CNTN4: variants seen among roughly 807,000 people sequenced by gnomAD.
CNTN4 encodes contactin-4.
A neutral mutation model predicts 122.5 loss-of-function variants in CNTN4; 77 were observed. The ratio of observed to expected loss-of-function variants is 0.63; its 90% confidence interval spans 0.52 to 0.76. CNTN4 has a LOEUF of 0.76. CNTN4 is among the 30% of genes least tolerant of loss of function. The probability of loss-of-function intolerance (pLI) is 0.00; values close to 1 mark genes in which losing one functional copy is unlikely to be tolerated. For missense variants in CNTN4, 1,256 were observed against 1,259.1 expected (o/e 1.00, Z 0.04); for synonymous variants, 512 against 447.0 (o/e 1.15, Z -1.83).
At chr3:2,321,269 T>A (rs1426520035) in intron 2 of CNTN4, among the ~76,000 whole-genome samples, 44 of 152,138 alleles carry the variant, frequency 2.9e-4, no homozygotes, top group Admixed American at 2.9e-3. Flanking sequence ...AAACTTCAAC[T>A]CAGGAGTCAC....
At chr3:2,195,712 G>A (rs2037804326) in intron 2 of CNTN4, among the ~76,000 whole-genome samples, 2 of 152,160 alleles carry the variant, frequency 1.3e-5, no homozygotes, top group South Asian at 4.1e-4. Flanking sequence ...GTCACTCTGG[G>A]AATCACATGG....
intron 2 of CNTN4, among the ~76,000 whole-genome samples, chr3:2,336,585 C>A (rs1442965599): frequency 6.6e-6 from 1 of 152,060 alleles, no homozygotes; most frequent in East Asian, 1.9e-4. Context: ...TAACTAGTAA[C>A]CATTTAGTTG....
rs116042169 is a variant in CNTN4 at position 2,386,897 on chromosome 3, C to T, written c.-89+47664C>T. ...GAGATAAGATGTAGCTGCAACTAAG[C>T]GCATTCAATTTAGAGATTATAGAAA... is the stretch of plus-strand genomic sequence containing the variant. On this transcript the variant is annotated intron_variant, in intron 3 of 24. Coordinates refer to ENST00000418658, the MANE Select transcript of CNTN4 (RefSeq NM_175607.3). 5.2e-3 allele frequency among the ~76,000 whole-genome samples: 794 copies of T among 152,210 alleles called. 6 individuals carry two copies. The highest frequency in any genetic ancestry group is 0.017 in the African/African-American group (721 of 41,538).
chr3:2,325,406 T>C (rs79417017), intron 2 of CNTN4, among the ~76,000 whole-genome samples: 4,779 of 152,346 alleles, frequency 0.031, 113 homozygotes, highest in Non-Finnish European at 0.047. Context: ...ATTTCTAATG[T>C]AGTAAATATC....
chr3:2,498,938 C>G (rs2076523565), intron 3 of CNTN4, among the ~76,000 whole-genome samples: 1 of 151,896 alleles, frequency 6.6e-6, no homozygotes, highest in Non-Finnish European at 1.5e-5. Context: ...TACAGGCGTG[C>G]ACCACCACAC....
intron 3 of CNTN4, among the ~76,000 whole-genome samples, chr3:2,424,128 C>T (rs931534582): frequency 1.3e-5 from 2 of 150,240 alleles, no homozygotes. Context: ...AGGGTTGTTA[C>T]ATACGTATAC....
intron 5 of CNTN4, among the ~76,000 whole-genome samples, chr3:2,741,013 C>G (rs1004995363): frequency 1.3e-5 from 2 of 152,158 alleles, no homozygotes; most frequent in African/African-American, 4.8e-5. Flanking sequence ...GAATTTTCAT[C>G]CAAGATTCAG....
At position 2,200,827 on chromosome 3, in the gene CNTN4, C is replaced by T. The variant is rs73807026; in HGVS notation, c.-145+100188C>T. ...TGAATGTGATACTTTGGGCCATAGC[C>T]CCCTTATGCTTCAGTAGAGAAGCAG... is the stretch of plus-strand genomic sequence containing the variant. On this transcript the variant is annotated intron_variant, in intron 2 of 24. Coordinates refer to ENST00000418658, the MANE Select transcript of CNTN4 (RefSeq NM_175607.3). Among the ~76,000 whole-genome samples, 1,263 of 152,206 alleles carry T rather than the reference C, an allele frequency of 8.3e-3. 15 individuals are homozygous for T. The highest frequency in any genetic ancestry group is 0.029 in the African/African-American group (1,196 of 41,546).
chr3:2,654,229 T>C (rs2083482454), intron 4 of CNTN4, among the ~76,000 whole-genome samples: 1 of 152,260 alleles, frequency 6.6e-6, no homozygotes, highest in Non-Finnish European at 1.5e-5. Flanking sequence ...TTGACCACCT[T>C]GGCAATGGCC....
At chr3:2,210,928 A>C (rs1294854538) in intron 2 of CNTN4, among the ~76,000 whole-genome samples, 1 of 152,238 alleles carries the variant, frequency 6.6e-6, no homozygotes, top group Non-Finnish European at 1.5e-5. Flanking sequence ...TTTAGCCCAT[A>C]AAACAATTTT....
At chr3:2,466,555 C>T (rs1414067261) in intron 3 of CNTN4, among the ~76,000 whole-genome samples, 2 of 152,032 alleles carry the variant, frequency 1.3e-5, no homozygotes, top group East Asian at 1.9e-4. Flanking sequence ...ATTCTTTCAG[C>T]GTGTGATTGT....
chr3:2,545,196 A>G (rs1460367433), intron 3 of CNTN4, among the ~76,000 whole-genome samples: 1 of 151,988 alleles, frequency 6.6e-6, no homozygotes, highest in Non-Finnish European at 1.5e-5. Flanking sequence ...AGATTTTCTT[A>G]GGATTGATTT....
chr3:2,797,379 A>G (rs1035987415), intron 6 of CNTN4, among the ~76,000 whole-genome samples: 5 of 152,156 alleles, frequency 3.3e-5, no homozygotes, highest in Non-Finnish European at 1.5e-5. Context: ...CAGGTGGATT[A>G]CCTAGGTCAG....
In CNTN4 at chr3:2,101,231, G is replaced by A. The variant is rs76463679; in HGVS notation, c.-145+592G>A. On this transcript the variant is annotated intron_variant, in intron 2 of 24. Coordinates refer to ENST00000418658, the MANE Select transcript of CNTN4 (RefSeq NM_175607.3). ...AAGTAGGTCTTCTGATTTCTTTTCC[G>A]ATCTAAGCACTAAATCTTTTGGCTG... 5.3e-5 allele frequency among the ~76,000 whole-genome samples: 8 copies of A among 151,928 alleles called. No individual in the cohort carries two copies. The East Asian group carries it at 1.4e-3, about 26-fold the overall frequency.
At chr3:3,032,801 T>C (rs1699285766) in intron 16 of CNTN4, among the ~76,000 whole-genome samples, 1 of 152,182 alleles carries the variant, frequency 6.6e-6, no homozygotes, top group Non-Finnish European at 1.5e-5. Flanking sequence ...TGCCCCTGAG[T>C]GTGTTATCAT....
At chr3:2,658,961 AACAGAC>A (rs761485466) in intron 4 of CNTN4, among the ~76,000 whole-genome samples, 4 of 59,130 alleles carry the variant, frequency 6.8e-5, no homozygotes, top group East Asian at 4.4e-4. Context: ...CACACACACA[AACAGAC>A]ACACACACAC....
At chr3:2,545,791 C>A (rs769803588) in intron 3 of CNTN4, among the ~76,000 whole-genome samples, 1 of 151,950 alleles carries the variant, frequency 6.6e-6, no homozygotes, top group South Asian at 2.1e-4. Context: ...CTCTTGAAGA[C>A]AGCATATCAT....
intron 10 of CNTN4, among the ~76,000 whole-genome samples, chr3:2,897,782 A>C (rs1446855533): frequency 1.3e-5 from 2 of 152,162 alleles, no homozygotes; most frequent in African/African-American, 4.8e-5. Context: ...TTGTGGCATC[A>C]TGGTGGCCCT....
intron 3 of CNTN4, among the ~76,000 whole-genome samples, chr3:2,488,790 G>A (rs1344800047): frequency 1.3e-5 from 2 of 152,122 alleles, no homozygotes; most frequent in African/African-American, 2.4e-5. Context: ...AGCATTCAAC[G>A]GAAATGCATA....
Sources: allele counts gnomAD v4.1 joint callset (sites outside exome capture counted in the v4.1 genomes callset), GRCh38; gene constraint gnomAD v4.1.1; transcripts MANE v1.5; gene names NCBI Gene and HGNC (gene_info 2026-07-23, HGNC 2026-07-21).